NAALADL2: variants seen among roughly 807,000 people sequenced by gnomAD.
NAALADL2 encodes the protein N-acetylated alpha-linked acidic dipeptidase like 2, also known as inactive N-acetylated-alpha-linked acidic dipeptidase-like protein 2.
Under a neutral mutation model 87.2 loss-of-function variants are expected in NAALADL2, and 76 were observed. The ratio of observed to expected loss-of-function variants is 0.87; its 90% CI spans 0.72 to 1.05. The LOEUF is 1.05. Among genes scored for constraint, NAALADL2 ranks in the 50% least tolerant of loss-of-function variants. NAALADL2 has a pLI of 0.00. For synonymous variants in NAALADL2, 354 were observed against 331.0 expected, an observed-to-expected ratio of 1.07 and a Z score of -0.75; for missense variants, 1,089 against 945.8, an observed-to-expected ratio of 1.15 and a Z score of -1.99.
chr3:174,960,859 A>T (rs941226991), intron 1 of NAALADL2, among the ~76,000 whole-genome samples: 11 of 151,670 alleles, frequency 7.3e-5, no homozygotes, highest in Admixed American at 6.6e-4. Flanking sequence ...TTTCATAAGT[A>T]TGCATTTTAG....
intron 3 of NAALADL2, among the ~76,000 whole-genome samples, chr3:174,767,491 T>C (rs920845447): frequency 1.1e-4 from 17 of 152,172 alleles, no homozygotes; most frequent in African/African-American, 4.1e-4. Flanking sequence ...AATATCATCA[T>C]GCTGTAGCAC....
At chr3:174,996,128 T>G (rs762665085) in intron 1 of NAALADL2, among the ~76,000 whole-genome samples, 1 of 152,316 alleles carries the variant, frequency 6.6e-6, no homozygotes, top group Non-Finnish European at 1.5e-5. Flanking sequence ...ACTTATGTTG[T>G]ATACAAATAT....
intron 1 of NAALADL2, among the ~76,000 whole-genome samples, chr3:174,886,586 A>G (rs1310742223): frequency 6.6e-6 from 1 of 152,216 alleles, no homozygotes; most frequent in Non-Finnish European, 1.5e-5. Flanking sequence ...AGAGTTAAGA[A>G]TGATTCATTT....
chr3:175,130,561 T>C (rs1337284846), intron 2 of NAALADL2, among the ~76,000 whole-genome samples: 1 of 152,348 alleles, frequency 6.6e-6, no homozygotes, highest in South Asian at 2.1e-4. Flanking sequence ...CTTTTGCCTA[T>C]AGATATTCAG....
chr3:175,044,910 G>A (rs1754489771), intron 1 of NAALADL2, among the ~76,000 whole-genome samples: 1 of 148,624 alleles, frequency 6.7e-6, no homozygotes, highest in Non-Finnish European at 1.5e-5. Flanking sequence ...GTCACAGAGA[G>A]CGAAGGGGCG....
At chr3:174,811,615 A>G (rs886463753) in intron 3 of NAALADL2, among the ~76,000 whole-genome samples, 1 of 152,144 alleles carries the variant, frequency 6.6e-6, no homozygotes. Context: ...TTATGAGCTC[A>G]TAGGTGGAAG....
chr3:175,575,923 A>G (rs1718801469), intron 9 of NAALADL2, 118 bp from the exon 10 acceptor site: 1 of 805,374 alleles, frequency 1.2e-6, no homozygotes, highest in Admixed American at 3.1e-5. Flanking sequence ...TTGCATTTTT[A>G]ACAGTCTCCA....
At chr3:175,697,540 T>C (rs1384012777) in intron 11 of NAALADL2, among the ~76,000 whole-genome samples, 1 of 151,772 alleles carries the variant, frequency 6.6e-6, no homozygotes, top group Non-Finnish European at 1.5e-5. Flanking sequence ...GGTGTATTGT[T>C]ACTTTTGATT....
At chr3:175,545,244 G>A (rs926711880) in intron 9 of NAALADL2, among the ~76,000 whole-genome samples, 3 of 152,084 alleles carry the variant, frequency 2.0e-5, no homozygotes, top group African/African-American at 7.2e-5. Flanking sequence ...TAGGTCCAAT[G>A]GCCCAAACAG....
intron 3 of NAALADL2, among the ~76,000 whole-genome samples, chr3:174,853,955 A>G (rs1390934401): frequency 6.6e-6 from 1 of 152,192 alleles, no homozygotes; most frequent in African/African-American, 2.4e-5. Context: ...TATAGTCAGT[A>G]TGGAAAACAG....
At chr3:175,040,798 T>C (rs1753987312) in intron 1 of NAALADL2, among the ~76,000 whole-genome samples, 2 of 152,280 alleles carry the variant, frequency 1.3e-5, no homozygotes, top group African/African-American at 4.8e-5. Context: ...CTGTGAAGGG[T>C]GTTCATGCTT....
At position 175,463,400 on chromosome 3, in the gene NAALADL2, GA is replaced by G; in HGVS notation, c.1237del (p.Ile413Ter). 6.4e-7 allele frequency: 1 copy of G among 1,552,062 alleles called. No homozygotes were observed. The highest frequency in any genetic ancestry group is 1.2e-5 in the South Asian group (1 of 80,038). The stretch of plus-strand genomic sequence containing the variant: ...AAGTCTTTAAATTTTTATTTTTTCA[GA>G]AATAAGAGTCGTCAGCATGCAAGTT... Reference protein sequence around the residue: ...ACSSLELPNNEIRVVSMQVQT... With the variant: ...ACSSLELPNNXIRVVSMQVQT... On this transcript the variant is annotated frameshift_variant and splice_region_variant, in exon 7 of 14. Transcript: ENST00000454872. LOFTEE classifies it high-confidence loss of function.
Position 175,248,303 on chromosome 3 carries a change from T to C in NAALADL2, c.820-8108T>C, listed in dbSNP as rs565502824. On this transcript the variant is annotated intron_variant, in intron 3 of 13. Coordinates refer to ENST00000454872, the MANE Select transcript of NAALADL2 (RefSeq NM_207015.3). Reference sequence around the variant, plus strand: ...TAACTTATCTCTTCTCTTTGAACTGTTGTCATGATTAGAGATGATAATGAA... The same window carrying C: ...TAACTTATCTCTTCTCTTTGAACTGCTGTCATGATTAGAGATGATAATGAA... Among the ~76,000 whole-genome samples, 24 of 152,332 alleles carry C rather than the reference T, an allele frequency of 1.6e-4. No homozygotes were observed. The South Asian group carries it at 4.8e-3, about 30-fold the overall frequency.
intron 1 of NAALADL2, among the ~76,000 whole-genome samples, chr3:174,908,944 C>T (rs527941191): frequency 1.3e-5 from 2 of 151,040 alleles, no homozygotes; most frequent in African/African-American, 4.9e-5. Context: ...AAAATTTGTG[C>T]AGAAAAGCCT....
At chr3:175,722,727 T>C (rs1419156260) in intron 11 of NAALADL2, among the ~76,000 whole-genome samples, 1 of 152,136 alleles carries the variant, frequency 6.6e-6, no homozygotes, top group Non-Finnish European at 1.5e-5. Context: ...CTGGAAGATT[T>C]GTTGATAGGA....
chr3:175,194,033 C>T (rs956697430), intron 2 of NAALADL2, among the ~76,000 whole-genome samples: 9 of 151,730 alleles, frequency 5.9e-5, no homozygotes, highest in East Asian at 3.9e-4. Flanking sequence ...AAAATATATC[C>T]GATATGTACG....
At chr3:174,986,100 T>A (rs1255764603) in intron 1 of NAALADL2, among the ~76,000 whole-genome samples, 2 of 151,900 alleles carry the variant, frequency 1.3e-5, no homozygotes, top group South Asian at 2.1e-4. Context: ...AAATTATATG[T>A]TTGAAATCTT....
intron 5 of NAALADL2, among the ~76,000 whole-genome samples, chr3:175,410,664 C>A (rs1713335639): frequency 6.6e-6 from 1 of 152,042 alleles, no homozygotes. Context: ...TTACATGATA[C>A]AGTAAGCACA....
chr3:174,967,385 A>T (rs1032354092), intron 1 of NAALADL2, among the ~76,000 whole-genome samples: 3 of 151,876 alleles, frequency 2.0e-5, no homozygotes, highest in African/African-American at 7.3e-5. Context: ...AAAAAAAAAA[A>T]AAGAAAAAAG....
Sources: gnomAD v4.1 joint callset for allele counts (sites outside exome capture counted in the v4.1 genomes callset) on GRCh38, gnomAD v4.1.1 for gene constraint, MANE v1.5 for transcripts, NCBI Gene and HGNC (gene_info 2026-07-23, HGNC 2026-07-21) for gene names.